Variants in PTBP3 observed in about 807,000 individuals in gnomAD.
PTBP3 encodes the protein polypyrimidine tract binding protein 3.
In PTBP3, 20 loss-of-function variants were observed where a neutral mutation model predicts 58.7. The ratio of observed to expected loss-of-function variants is 0.34; its 90% CI spans 0.24 to 0.50. The LOEUF (loss-of-function observed/expected upper bound fraction) is 0.50. PTBP3 is among the 20% of genes least tolerant of loss of function. The pLI is 0.98. For synonymous variants in PTBP3, 185 were observed against 219.8 expected, an observed-to-expected ratio of 0.84 and a Z score of 1.40; for missense variants, 509 against 637.2, an observed-to-expected ratio of 0.80 and a Z score of 2.17.
the PTBP3 span, among the ~76,000 whole-genome samples, chr9:112,378,419 G>T: frequency 6.6e-6 from 1 of 152,094 alleles, no homozygotes; most frequent in Non-Finnish European, 1.5e-5. Flanking sequence ...CTCTCTTTCC[G>T]TAACAAATGG....
chr9:112,372,077 C>T, the PTBP3 span, among the ~76,000 whole-genome samples: 141,833 of 152,000 alleles, frequency 0.93, 66,251 homozygotes, highest in Admixed American at 0.96. Flanking sequence ...TCCATAGATT[C>T]TTTTTTCTTT....
Position 112,221,796 on chromosome 9 carries a change from C to T in PTBP3, c.*2055G>A, listed in dbSNP as rs79698947. ...TGGTGAGTGAATTCTGCTTTTTAAA[C>T]AATCTGTATCATCTCTTGCAGTCTC... On this transcript the variant is annotated 3_prime_UTR_variant, in exon 14 of 14. Transcript: ENST00000374257. 315 of 985,238 alleles carry T rather than the reference C, an allele frequency of 3.2e-4. 3 individuals are homozygous for T. The East Asian group carries it at 0.028, about 89-fold the overall frequency. The allele number at this position is 985,238 out of a possible 1,614,324, so 61.0% of individuals were successfully genotyped here.
At chr9:112,286,400 T>C (rs1483675527) in intron 2 of PTBP3, among the ~76,000 whole-genome samples, 1 of 152,212 alleles carries the variant, frequency 6.6e-6, no homozygotes, top group East Asian at 1.9e-4. Flanking sequence ...CCGGCTTCCT[T>C]TGGATTTTAT....
chr9:112,253,400 T>A (rs1395330916), intron 5 of PTBP3, among the ~76,000 whole-genome samples: 1 of 152,152 alleles, frequency 6.6e-6, no homozygotes, highest in Non-Finnish European at 1.5e-5. Context: ...AAGGCCTTTC[T>A]GAAGTGTCTT....
chr9:112,377,602 A>G, the PTBP3 span, among the ~76,000 whole-genome samples: 142,292 of 152,234 alleles, frequency 0.93, 66,711 homozygotes, highest in African/African-American at 0.98. Context: ...GCCAAATTAC[A>G]TTAATGTTGC....
At chr9:112,323,165 T>C (rs1830021549) in intron 1 of PTBP3, among the ~76,000 whole-genome samples, 1 of 152,182 alleles carries the variant, frequency 6.6e-6, no homozygotes. Context: ...GGCAGGAGGA[T>C]CACTTGGACC....
At chr9:112,379,762 G>A in the PTBP3 span, among the ~76,000 whole-genome samples, 2 of 152,262 alleles carry the variant, frequency 1.3e-5, no homozygotes, top group African/African-American at 4.8e-5. Flanking sequence ...GCTCGGAGCC[G>A]GCGCTGGAAC....
chr9:112,290,006 C>T (rs992503777), intron 2 of PTBP3, among the ~76,000 whole-genome samples: 2 of 152,006 alleles, frequency 1.3e-5, no homozygotes, highest in African/African-American at 4.8e-5. Flanking sequence ...AATTTGCAGA[C>T]AATTGAAGAA....
chr9:112,248,811 GGAAA>G (rs768986780), intron 7 of PTBP3, among the ~76,000 whole-genome samples: 2 of 152,114 alleles, frequency 1.3e-5, no homozygotes, highest in East Asian at 1.9e-4. Flanking sequence ...TTGTCCAGCA[GGAAA>G]GAATGTTCAT....
intron 10 of PTBP3, among the ~76,000 whole-genome samples, chr9:112,229,804 C>T (rs1040586019): frequency 6.6e-6 from 1 of 152,164 alleles, no homozygotes; most frequent in African/African-American, 2.4e-5. Context: ...CAATCTGATC[C>T]TCCTGCCTTG....
the PTBP3 span, among the ~76,000 whole-genome samples, chr9:112,352,923 CAG>C: frequency 6.7e-6 from 1 of 150,372 alleles, no homozygotes; most frequent in African/African-American, 2.5e-5. Context: ...TTTTTTGAGA[CAG>C]AGTCTTCTGC....
At position 112,223,786 on chromosome 9, in the gene PTBP3, C is replaced by A. The variant is rs561976833; in HGVS notation, c.*65G>T. 1.7e-4 allele frequency: 275 copies of A among 1,604,900 alleles called. No individual in the cohort carries two copies. In the African/African-American group the frequency reaches 3.3e-3, roughly 19 times the overall value. ...AGGCAAAATTGGTCTTGAGCTGCTT[C>A]AGTCTATGTCTGAAGGTTTTACTGA... is the stretch of plus-strand genomic sequence containing the variant. On this transcript the variant is annotated 3_prime_UTR_variant, in exon 14 of 14. Transcript: ENST00000374257.
At chr9:112,229,564 CAAAAA>C (rs35366224) in intron 10 of PTBP3, among the ~76,000 whole-genome samples, 1 of 141,440 alleles carries the variant, frequency 7.1e-6, no homozygotes. Context: ...GACCCTGTCT[CAAAAA>C]AAAAAAAAAA....
the PTBP3 span, among the ~76,000 whole-genome samples, chr9:112,372,272 G>T: frequency 1.3e-5 from 2 of 152,018 alleles, no homozygotes; most frequent in East Asian, 1.9e-4. Flanking sequence ...TAGAGACAGG[G>T]TCTCACTATG....
chr9:112,357,703 G>T, the PTBP3 span, among the ~76,000 whole-genome samples: 1 of 152,064 alleles, frequency 6.6e-6, no homozygotes, highest in Non-Finnish European at 1.5e-5. Flanking sequence ...ACCAGTTCAG[G>T]ATTATGTGTT....
chr9:112,322,881 G>A (rs1830011361), intron 1 of PTBP3, among the ~76,000 whole-genome samples: 2 of 152,236 alleles, frequency 1.3e-5, no homozygotes. Context: ...ACACGGACAT[G>A]TCCAGGTGAA....
At chr9:112,323,582 T>A (rs1344973398) in intron 1 of PTBP3, among the ~76,000 whole-genome samples, 1 of 152,160 alleles carries the variant, frequency 6.6e-6, no homozygotes, top group East Asian at 1.9e-4. Context: ...GAGACATGAA[T>A]GCTCTGTAAA....
In PTBP3 at chr9:112,235,554, GAGTC is replaced by G. The variant is rs565740027; in HGVS notation, c.803-661_803-658del. On this transcript the variant is annotated intron_variant, in intron 7 of 13. Transcript: ENST00000374257. ...CAACAAAAACGGGAGTTCCAATGGA[GAGTC>G]AGTTTTAGCAGACAAATGATTAATT... is the stretch of plus-strand genomic sequence containing the variant. Among the ~76,000 whole-genome samples the G allele has an allele frequency of 1.8e-4, 27 of 152,316 alleles. 1 individual carries two copies. The highest frequency in any genetic ancestry group is 1.6e-3 in the Admixed American group (24 of 15,290).
At position 112,223,804 on chromosome 9, in the gene PTBP3, T is replaced by G; in HGVS notation, c.*47A>C. The G allele has an allele frequency of 6.2e-7, 1 of 1,612,586 alleles. No homozygotes were observed. The highest frequency in any genetic ancestry group is 8.5e-7 in the Non-Finnish European group (1 of 1,179,384). On this transcript the variant is annotated 3_prime_UTR_variant, in exon 14 of 14. Transcript: ENST00000374257. ...GCTGCTTCAGTCTATGTCTGAAGGT[T>G]TTACTGAAATTATGGTCCAGTTTTA...
Sources: allele counts gnomAD v4.1 joint callset (sites outside exome capture counted in the v4.1 genomes callset), GRCh38; gene constraint gnomAD v4.1.1; transcripts MANE v1.5; gene names NCBI Gene and HGNC (gene_info 2026-07-23, HGNC 2026-07-21).